PCED1B: variants seen among roughly 807,000 people sequenced by gnomAD.
PCED1B encodes PC-esterase domain-containing protein 1B.
For missense variants in PCED1B, 573 were observed against 573.9 expected, an observed-to-expected ratio of 1.00 and a Z score of 0.02; for synonymous variants, 251 against 246.1, an observed-to-expected ratio of 1.02 and a Z score of -0.19.
At chr12:47,110,972 G>A (rs1215458178) in intron 2 of PCED1B, among the ~76,000 whole-genome samples, 3 of 152,144 alleles carry the variant, frequency 2.0e-5, no homozygotes, top group Non-Finnish European at 4.4e-5. Flanking sequence ...GGTGTTCTTT[G>A]AAGTTTGATG....
At chr12:47,089,486 A>G (rs1938166539) in intron 1 of PCED1B, among the ~76,000 whole-genome samples, 1 of 94,864 alleles carries the variant, frequency 1.1e-5, no homozygotes, top group African/African-American at 3.9e-5. Flanking sequence ...ATATATATAT[A>G]TATATATGTA....
chr12:47,159,738 T>C (rs1425202442), intron 2 of PCED1B, among the ~76,000 whole-genome samples: 1 of 152,218 alleles, frequency 6.6e-6, no homozygotes, highest in African/African-American at 2.4e-5. Flanking sequence ...CTATTTAGTT[T>C]AGTATAGTCA....
chr12:47,083,320 C>A (rs1403542172), intron 1 of PCED1B, among the ~76,000 whole-genome samples: 5 of 152,010 alleles, frequency 3.3e-5, no homozygotes, highest in Non-Finnish European at 7.4e-5. Flanking sequence ...TATACACTGG[C>A]AGATATCTTG....
intron 2 of PCED1B, among the ~76,000 whole-genome samples, chr12:47,178,596 C>A (rs1418785301): frequency 1.3e-5 from 2 of 152,016 alleles, no homozygotes; most frequent in African/African-American, 4.8e-5. Flanking sequence ...AGGCCAGGCG[C>A]GGTGGTTCAT....
intron 3 of PCED1B, among the ~76,000 whole-genome samples, chr12:47,218,532 G>A (rs922045307): frequency 1.3e-5 from 2 of 152,190 alleles, no homozygotes; most frequent in Non-Finnish European, 2.9e-5. Context: ...CATCCAGGCT[G>A]GAGCGCAGTG....
Position 47,103,740 on chromosome 12 carries a change from G to A in PCED1B, c.-608-373G>A, listed in dbSNP as rs550441931. On this transcript the variant is annotated intron_variant, in intron 1 of 3. Transcript: ENST00000546455. ...ACAGACTCTCCTCCTCTGTCTTCCC[G>A]GCAAGCCACAGCCCTGTTACCCTTT... 3.3e-5 allele frequency among the ~76,000 whole-genome samples: 5 copies of A among 152,154 alleles called. No individual in the cohort carries two copies. The East Asian group carries it at 5.8e-4, about 18-fold the overall frequency.
chr12:47,081,997 T>C (rs1456963817), intron 1 of PCED1B, among the ~76,000 whole-genome samples: 2 of 152,156 alleles, frequency 1.3e-5, no homozygotes, highest in African/African-American at 2.4e-5. Flanking sequence ...AAGACCTGAT[T>C]TGGGGGATTT....
In PCED1B at chr12:47,235,898, C is replaced by T. The variant is rs988913552; in HGVS notation, c.835C>T (p.Pro279Ser). 3 of 1,601,254 alleles carry T rather than the reference C, an allele frequency of 1.9e-6. No individual in the cohort carries two copies. Among genetic ancestry groups the T allele is most frequent in the Non-Finnish European group, 2.6e-6 (3 of 1,174,118 alleles). The change falls in exon 4 of 4, where the codon CCC becomes TCC. Residue 279 changes from proline to serine, a missense_variant. By Grantham distance (74) the Pro-to-Ser change is moderately conservative (BLOSUM62 -1). Coordinates refer to ENST00000546455, the MANE Select transcript of PCED1B (RefSeq NM_138371.3). ...KKPGPRVEGP[P>S]QANRNHPALP... ...ACCTGGCCCGAGAGTCGAAGGGCCG[C>T]CCCAGGCCAACAGAAATCACCCGGC...
At chr12:47,170,775 G>A (rs1198462774) in intron 2 of PCED1B, among the ~76,000 whole-genome samples, 1 of 152,134 alleles carries the variant, frequency 6.6e-6, no homozygotes, top group Non-Finnish European at 1.5e-5. Context: ...GCCCATTCAT[G>A]TTAAGTATAA....
At chr12:47,150,041 A>G (rs537220169) in intron 2 of PCED1B, among the ~76,000 whole-genome samples, 1 of 152,352 alleles carries the variant, frequency 6.6e-6, no homozygotes, top group Admixed American at 6.5e-5. Flanking sequence ...CTTGATTGTA[A>G]TAATAATTTC....
chr12:47,136,307 T>C (rs1426537294), intron 2 of PCED1B, among the ~76,000 whole-genome samples: 1 of 152,150 alleles, frequency 6.6e-6, no homozygotes, highest in Admixed American at 6.5e-5. Context: ...CTGTCAAAAG[T>C]TTCTAATGAT....
At chr12:47,161,081 T>C (rs944037809) in intron 2 of PCED1B, among the ~76,000 whole-genome samples, 3 of 152,210 alleles carry the variant, frequency 2.0e-5, no homozygotes, top group African/African-American at 7.2e-5. Flanking sequence ...AGAAGCCAGA[T>C]GAATGCTGGC....
chr12:47,163,830 T>A (rs1941463150), intron 2 of PCED1B, among the ~76,000 whole-genome samples: 1 of 152,152 alleles, frequency 6.6e-6, no homozygotes, highest in African/African-American at 2.4e-5. Context: ...GAGGCTACAT[T>A]CTGGCTAAAA....
chr12:47,132,398 A>T (rs765028195), intron 2 of PCED1B, among the ~76,000 whole-genome samples: 4 of 152,004 alleles, frequency 2.6e-5, no homozygotes, highest in Admixed American at 6.5e-5. Context: ...TTCTAATAAA[A>T]TTTTTTCCTC....
At chr12:47,210,764 G>GA (rs974069165) in intron 2 of PCED1B, 14 of 151,678 alleles carry the variant, frequency 9.2e-5, no homozygotes, top group African/African-American at 3.1e-4. Flanking sequence ...CACTCTGTCT[G>GA]AAAAAAGTAA....
intron 2 of PCED1B, among the ~76,000 whole-genome samples, chr12:47,139,091 C>T (rs901892408): frequency 6.6e-6 from 1 of 152,104 alleles, no homozygotes; most frequent in Non-Finnish European, 1.5e-5. Context: ...TTTTGTACCC[C>T]TCTGATACCT....
rs570946728 is a variant in PCED1B at position 47,222,574 on chromosome 12, G to T, written c.-58+5885G>T. The stretch of plus-strand genomic sequence containing the variant: ...ACTCAGGAGACAGGTCTGGGCTAGA[G>T]ACAAAGATAATAGCTACATTCACTG... On this transcript the variant is annotated intron_variant, in intron 3 of 3. Transcript: ENST00000546455. Among the ~76,000 whole-genome samples, 35 of 152,254 alleles carry T rather than the reference G, an allele frequency of 2.3e-4. 1 individual carries two copies. In the Middle Eastern group the frequency reaches 0.014, roughly 59 times the overall value.
intron 2 of PCED1B, among the ~76,000 whole-genome samples, chr12:47,162,273 TAAAAG>T (rs1941410677): frequency 6.6e-6 from 1 of 151,298 alleles, no homozygotes; most frequent in Admixed American, 6.6e-5. Context: ...AAAAAAAAAA[TAAAAG>T]AAATACCTGA....
chr12:47,219,523 G>A (rs1210348696), intron 3 of PCED1B, among the ~76,000 whole-genome samples: 1 of 152,154 alleles, frequency 6.6e-6, no homozygotes, highest in African/African-American at 2.4e-5. Flanking sequence ...TCATCCATGG[G>A]AACTTTTAAT....
Sources: allele counts gnomAD v4.1 joint callset (sites outside exome capture counted in the v4.1 genomes callset), GRCh38; gene constraint gnomAD v4.1.1; transcripts MANE v1.5; gene names NCBI Gene and HGNC (gene_info 2026-07-23, HGNC 2026-07-21).